ZMPSTE24: variants seen among roughly 807,000 people sequenced by gnomAD.
ZMPSTE24 encodes CAAX prenyl protease 1 homolog.
In ZMPSTE24, 48 loss-of-function variants were observed where a neutral mutation model predicts 56.7. The observed-to-expected ratio is 0.85, with a 90% confidence interval of 0.67 to 1.08. ZMPSTE24 has a LOEUF of 1.08. ZMPSTE24 is among the 50% of genes least tolerant of loss of function. The pLI is 0.00. For missense variants in ZMPSTE24, 503 were observed against 548.7 expected, an observed-to-expected ratio of 0.92 and a Z score of 0.83; for synonymous variants, 172 against 195.2, an observed-to-expected ratio of 0.88 and a Z score of 0.99.
At chr1:40,285,657 T>G (rs1643779863) in intron 7 of ZMPSTE24, among the ~76,000 whole-genome samples, 1 of 152,238 alleles carries the variant, frequency 6.6e-6, no homozygotes, top group South Asian at 2.1e-4. Flanking sequence ...CTTCCAGTTT[T>G]TTTTTTCCTA....
At chr1:40,276,437 G>T (rs1643672009) in intron 6 of ZMPSTE24, among the ~76,000 whole-genome samples, 1 of 151,902 alleles carries the variant, frequency 6.6e-6, no homozygotes, top group South Asian at 2.1e-4. Context: ...GGAGAAACTG[G>T]TGTCTCAAAA....
At chr1:40,280,242 G>A (rs1387339445) in intron 6 of ZMPSTE24, among the ~76,000 whole-genome samples, 2 of 151,966 alleles carry the variant, frequency 1.3e-5, no homozygotes, top group Non-Finnish European at 2.9e-5. Flanking sequence ...AACTTCCGAT[G>A]GCCTGCCACT....
chr1:40,279,745 T>C (rs1378528669), intron 6 of ZMPSTE24, among the ~76,000 whole-genome samples: 1 of 151,948 alleles, frequency 6.6e-6, no homozygotes, highest in Non-Finnish European at 1.5e-5. Flanking sequence ...CCAGTGCTGG[T>C]TGCAGGCGTT....
intron 6 of ZMPSTE24, 94 bp from the exon 7 acceptor site, chr1:40,281,249 A>G (rs1643725772): frequency 1.7e-6 from 2 of 1,184,504 alleles, no homozygotes; most frequent in Admixed American, 3.5e-5. Flanking sequence ...TGAAAATGTT[A>G]ATGTCCTTTC....
At chr1:40,291,063 G>T in intron 9 of ZMPSTE24, 66 bp downstream of exon 9, 1 of 1,585,468 alleles carries the variant, frequency 6.3e-7, no homozygotes, top group Non-Finnish European at 8.6e-7. Context: ...GAGCTTTCAG[G>T]ATAGTGAAAA....
chr1:40,264,849 C>G (rs11811980), intron 2 of ZMPSTE24, among the ~76,000 whole-genome samples: 4 of 145,186 alleles, frequency 2.8e-5, no homozygotes, highest in Admixed American at 1.4e-4. Flanking sequence ...GCTGTACCCC[C>G]GCCTGGTGAC....
Position 40,262,786 on chromosome 1 carries a change from T to C in ZMPSTE24, c.270+1801T>C. On this transcript the variant is annotated intron_variant, in intron 2 of 9. Coordinates refer to ENST00000372759, the MANE Select transcript of ZMPSTE24 (RefSeq NM_005857.5). ...CTTTCTGCAGTTGATGTCTGACGGC[T>C]GAGTTTTGCTGTTTTGTCAACTGAC... 2.6e-6 allele frequency: 3 copies of C among 1,173,682 alleles called. No individual in the cohort carries two copies. The South Asian group carries it at 5.0e-5, about 20-fold the overall frequency. 72.7% of individuals were successfully genotyped at this position (1,173,682 alleles called of 1,614,324 possible).
intron 2 of ZMPSTE24, among the ~76,000 whole-genome samples, chr1:40,264,300 C>T (rs1643527117): frequency 6.6e-6 from 1 of 152,074 alleles, no homozygotes; most frequent in South Asian, 2.1e-4. Flanking sequence ...CAACACTGCA[C>T]TCCAGCCTGG....
At chr1:40,281,646 A>T in intron 7 of ZMPSTE24, 119 bp downstream of exon 7, 1 of 1,043,234 alleles carries the variant, frequency 9.6e-7, no homozygotes, top group Admixed American at 2.1e-5. Flanking sequence ...TATCAGATGA[A>T]AACCATGGCT....
rs769989299 is a variant in ZMPSTE24 at position 40,258,316 on chromosome 1, C to G, written c.45C>G (p.Ala15=). Residue 15 remains alanine, a synonymous_variant, in exon 1 of 10, where the codon GCC becomes GCG. Coordinates refer to ENST00000372759, the MANE Select transcript of ZMPSTE24 (RefSeq NM_005857.5). The stretch of plus-strand genomic sequence containing the variant: ...TGGACGCTTTGTGGGAGATGCCGGC[C>G]GAGAAGCGTATCTTCGGGGCCGTGC... ...ASLDALWEMP[A]EKRIFGAVLL... 1.2e-6 allele frequency: 2 copies of G among 1,614,012 alleles called. No individual in the cohort carries two copies. Among genetic ancestry groups the G allele is most frequent in the African/African-American group, 2.7e-5 (2 of 74,918 alleles).
chr1:40,273,726 T>G (rs949002963), intron 6 of ZMPSTE24, among the ~76,000 whole-genome samples: 4 of 149,442 alleles, frequency 2.7e-5, no homozygotes, highest in Admixed American at 6.7e-5. Flanking sequence ...AATATTAAAC[T>G]AGAAATTTAA....
chr1:40,267,314 A>T lies in ZMPSTE24; in HGVS notation c.271-472A>T, dbSNP rs538717898. Among the ~76,000 whole-genome samples, 52 of 150,070 alleles carry T rather than the reference A, an allele frequency of 3.5e-4. 1 individual carries two copies. Among genetic ancestry groups the T allele is most frequent in the African/African-American group, 1.1e-3 (45 of 40,730 alleles). On this transcript the variant is annotated intron_variant, in intron 2 of 9. Transcript: ENST00000372759. ...TAAATGTGAAATAGGTCTATTTTTT[A>T]AAAAAATATTTTATTTTGTTATTTT...
Position 40,293,484 on chromosome 1 carries a change from A to G in ZMPSTE24, c.*815A>G, listed in dbSNP as rs1643862700. The G allele has an allele frequency of 6.6e-6, 1 of 152,214 alleles. No homozygotes were observed. Among genetic ancestry groups the G allele is most frequent in the African/African-American group, 2.4e-5 (1 of 41,466 alleles). The allele number at this position is 152,214 out of a possible 1,614,324, so 9.4% of individuals were successfully genotyped here. On this transcript the variant is annotated 3_prime_UTR_variant, in exon 10 of 10. Transcript: ENST00000372759. Reference sequence around the variant, plus strand: ...ATCCTTTCACTCAGCAGAGATGGCCATATTAAACACGTTTTGCTATGTTAA... The same window carrying G: ...ATCCTTTCACTCAGCAGAGATGGCCGTATTAAACACGTTTTGCTATGTTAA...
intron 7 of ZMPSTE24, among the ~76,000 whole-genome samples, chr1:40,283,909 T>G (rs1643755903): frequency 6.6e-6 from 1 of 151,608 alleles, no homozygotes; most frequent in African/African-American, 2.4e-5. Context: ...CTCATCATCT[T>G]CCAATCCTTT....
chr1:40,273,573 A>G (rs1417901686), intron 6 of ZMPSTE24, among the ~76,000 whole-genome samples: 4 of 97,164 alleles, frequency 4.1e-5, no homozygotes, highest in Admixed American at 1.1e-4. Context: ...TATATATGTC[A>G]GACATTTAGT....
intron 7 of ZMPSTE24, among the ~76,000 whole-genome samples, chr1:40,283,076 A>G (rs534876007): frequency 2.0e-5 from 3 of 152,356 alleles, no homozygotes; most frequent in Admixed American, 1.3e-4. Flanking sequence ...CTAGCCTGTT[A>G]TAAATACGTA....
rs758829003 is a variant in ZMPSTE24, at chr1:40,281,295, C to G, written c.770-48C>G. On this transcript the variant is annotated intron_variant, in intron 6 of 9. Transcript: ENST00000372759. ...ATTTCTAGGAGTCTCTCCAAAGGAC[C>G]CCAAACTTTTTAATTATATTCCATG... 4 of 1,594,186 alleles carry G rather than the reference C, an allele frequency of 2.5e-6. No homozygotes were observed. In the Admixed American group the frequency reaches 6.7e-5, roughly 27 times the overall value.
rs193267824 is a variant in ZMPSTE24, at chr1:40,275,255, A to G, written c.769+3220A>G. On this transcript the variant is annotated intron_variant, in intron 6 of 9. Coordinates refer to ENST00000372759, the MANE Select transcript of ZMPSTE24 (RefSeq NM_005857.5). ...GCCAACATGGTGAAACCCTGTCTCT[A>G]CTAAAAATACAAAAAAAAAAAAAAA... Among the ~76,000 whole-genome samples, 714 of 140,372 alleles carry G rather than the reference A, an allele frequency of 5.1e-3. 8 individuals are homozygous for G. Among genetic ancestry groups the G allele is most frequent in the African/African-American group, 0.018 (678 of 37,290 alleles). The allele number at this position is 140,372 out of a possible 152,430, so 92.1% of individuals were successfully genotyped here. A position where few individuals can be genotyped will look rare whatever the true frequency, so the allele number is the denominator to read the frequency against.
intron 6 of ZMPSTE24, among the ~76,000 whole-genome samples, chr1:40,273,537 A>AAAAAAAAAAAAAAT (rs1224234676): frequency 4.8e-4 from 6 of 12,388 alleles, no homozygotes; most frequent in Admixed American, 1.3e-3. Flanking sequence ...AAAAAAAAAA[A>AAAAAAAAAAAAAAT]ATATATATAT....
Sources: allele counts gnomAD v4.1 joint callset (sites outside exome capture counted in the v4.1 genomes callset), GRCh38; gene constraint gnomAD v4.1.1; transcripts MANE v1.5; gene names NCBI Gene and HGNC (gene_info 2026-07-23, HGNC 2026-07-21).